The following ANKRD42 variants were observed in gnomAD, a reference collection of about 807,000 sequenced individuals.
ANKRD42 encodes ankyrin repeat domain 42.
Under a neutral mutation model 51.5 loss-of-function variants are expected in ANKRD42, and 43 were observed. The observed-to-expected ratio is 0.83, with a 90% CI of 0.65 to 1.08. The LOEUF (loss-of-function observed/expected upper bound fraction) is 1.08, where lower values mean the gene tolerates loss of function less well. ANKRD42 is among the 50% of genes least tolerant of loss of function. The pLI is 0.00. For missense variants in ANKRD42, 608 were observed against 629.3 expected (o/e 0.97, Z 0.36); for synonymous variants, 203 against 213.0 (o/e 0.95, Z 0.41).
Position 83,248,159 on chromosome 11 carries a change from G to A in ANKRD42, c.1539G>A (p.Leu513=). 1.3e-6 allele frequency: 2 copies of A among 1,534,704 alleles called. No individual in the cohort carries two copies. The highest frequency in any genetic ancestry group is 1.4e-5 in the African/African-American group (1 of 72,686). Residue 513 remains leucine (L), a synonymous_variant, in exon 11 of 11, where the codon TTG becomes TTA. Transcript: ENST00000533342. ...AAGAGTGGCCAAGAGTACAAGCTTT[G>A]GGCTGGGGCTCTTTGGACTTGAATC... ...YIQEWPRVQA[L]GWGSLDLNPG... is the part of the protein sequence containing the mutation.
At position 83,240,994 on chromosome 11, in the gene ANKRD42, C is replaced by T. The variant is rs182194088; in HGVS notation, c.1195+60C>T. The T allele has an allele frequency of 2.4e-5, 37 of 1,534,850 alleles. No homozygotes were observed. In the African/African-American group the frequency reaches 4.6e-4, roughly 19 times the overall value. On this transcript the variant is annotated intron_variant, in intron 9 of 10. Transcript: ENST00000533342. ...CAGAAATACCACAGCCACTTTTTAC[C>T]ACAAATTTGGAAACTATTCTAAAGA... is the stretch of plus-strand genomic sequence containing the variant.
chr11:83,220,390 G>T (rs772896137), intron 5 of ANKRD42, among the ~76,000 whole-genome samples: 1 of 152,116 alleles, frequency 6.6e-6, no homozygotes, highest in Non-Finnish European at 1.5e-5. Context: ...AAGTGAAAGA[G>T]GTCCGATTGT....
downstream of ANKRD42, among the ~76,000 whole-genome samples, chr11:83,258,547 TA>T (rs755040660): frequency 6.6e-6 from 1 of 152,146 alleles, no homozygotes; most frequent in Non-Finnish European, 1.5e-5. Flanking sequence ...TTCACTTGGC[TA>T]AACTTGTTTC....
downstream of ANKRD42, among the ~76,000 whole-genome samples, chr11:83,262,311 A>G (rs1863974995): frequency 6.6e-6 from 1 of 152,188 alleles, no homozygotes; most frequent in Non-Finnish European, 1.5e-5. Flanking sequence ...CTTATATTAA[A>G]AAATTACGTA....
At chr11:83,210,911 G>A (rs1409682257) in intron 4 of ANKRD42, among the ~76,000 whole-genome samples, 1 of 152,204 alleles carries the variant, frequency 6.6e-6, no homozygotes, top group African/African-American at 2.4e-5. Flanking sequence ...ATTGTGGTAA[G>A]AGTTGGTGTT....
At chr11:83,223,808 T>A (rs1432533423) in intron 5 of ANKRD42, among the ~76,000 whole-genome samples, 1 of 152,192 alleles carries the variant, frequency 6.6e-6, no homozygotes. Flanking sequence ...TACTGGCCAC[T>A]TGGACATTAC....
At chr11:83,223,059 T>C (rs1489023196) in intron 5 of ANKRD42, among the ~76,000 whole-genome samples, 1 of 152,136 alleles carries the variant, frequency 6.6e-6, no homozygotes, top group Non-Finnish European at 1.5e-5. Context: ...GAGACCAGCC[T>C]GGCCAACATG....
At chr11:83,241,549 C>T (rs569166910) in intron 9 of ANKRD42, among the ~76,000 whole-genome samples, 19 of 151,888 alleles carry the variant, frequency 1.3e-4, no homozygotes, top group South Asian at 1.0e-3. Context: ...GAGCAGTGCA[C>T]GTAAAGGCCA....
intron 8 of ANKRD42, among the ~76,000 whole-genome samples, chr11:83,239,266 T>C (rs1462084235): frequency 6.6e-6 from 1 of 152,182 alleles, no homozygotes; most frequent in East Asian, 1.9e-4. Context: ...AAAAATTGAA[T>C]TGTTTTCTTG....
intron 7 of ANKRD42, among the ~76,000 whole-genome samples, chr11:83,229,985 TGTTATAAACAATCCA>T (rs956153632): frequency 2.6e-5 from 4 of 152,226 alleles, no homozygotes; most frequent in African/African-American, 9.7e-5. Flanking sequence ...TTATCCTTTG[TGTTATAAACAATCCA>T]GTTACCTTCT....
chr11:83,252,650 T>G (rs893049142), downstream of ANKRD42, among the ~76,000 whole-genome samples: 2 of 152,066 alleles, frequency 1.3e-5, no homozygotes, highest in Admixed American at 6.6e-5. Flanking sequence ...ATAAATCAAG[T>G]CAGTAGTGCC....
rs1278396471 is a variant in ANKRD42 at position 83,225,019 on chromosome 11, G to C, written c.751G>C (p.Ala251Pro). 6.2e-7 allele frequency: 1 copy of C among 1,612,776 alleles called. No individual in the cohort carries two copies. Among genetic ancestry groups the C allele is most frequent in the Non-Finnish European group, 8.5e-7 (1 of 1,179,172 alleles). Residue 251 changes from alanine to proline, a missense_variant, in exon 6 of 11, where the codon GCT becomes CCT. Ala to Pro is a conservative substitution (Grantham distance 27). Transcript: ENST00000533342. ...GAACATTTTACAGTTTATCCAGGGG[G>C]CTGAGTATGAAGGAAAAGACCTAGA... is the stretch of plus-strand genomic sequence containing the variant. ...KQNILQFIQG[A>P]EYEGKDLEDQ...
chr11:83,246,870 A>G (rs1019278055), intron 10 of ANKRD42, among the ~76,000 whole-genome samples: 1 of 152,264 alleles, frequency 6.6e-6, no homozygotes, highest in African/African-American at 2.4e-5. Context: ...TCATTCTTCC[A>G]TGGATGGATA....
chr11:83,261,561 A>G (rs987343826), downstream of ANKRD42: 1 of 168,320 alleles, frequency 5.9e-6, no homozygotes, highest in Non-Finnish European at 1.3e-5. Context: ...GTTTACAAAT[A>G]TTCAACCAAT....
At chr11:83,236,095 T>G (rs571756859) in intron 7 of ANKRD42, among the ~76,000 whole-genome samples, 205 of 152,354 alleles carry the variant, frequency 1.3e-3, no homozygotes, top group Non-Finnish European at 1.1e-3. Flanking sequence ...GATTCTAGTT[T>G]CAAACTACTT....
intron 5 of ANKRD42, chr11:83,212,882 T>A: frequency 6.9e-7 from 1 of 1,440,476 alleles, no homozygotes; most frequent in Non-Finnish European, 9.1e-7. Flanking sequence ...GTTCTCATTC[T>A]TTTTACTTTG....
chr11:83,204,799 T>C (rs1177856210), intron 2 of ANKRD42, among the ~76,000 whole-genome samples: 1 of 152,076 alleles, frequency 6.6e-6, no homozygotes, highest in Non-Finnish European at 1.5e-5. Flanking sequence ...CCAGATTATA[T>C]AAGGAACTCT....
At chr11:83,194,787 G>T (rs1307752565) in intron 1 of ANKRD42, 59 bp downstream of exon 1, 3 of 1,488,524 alleles carry the variant, frequency 2.0e-6, no homozygotes, top group Non-Finnish European at 2.7e-6. Flanking sequence ...ACTTAAGCCC[G>T]CAACAGCCTT....
At chr11:83,258,395 TTAG>T (rs1863809098), downstream of ANKRD42, among the ~76,000 whole-genome samples, 6 of 152,338 alleles carry the variant, frequency 3.9e-5, no homozygotes, top group Admixed American at 3.3e-4. Flanking sequence ...TTCCTATGAC[TTAG>T]TAGATTGTCC....
Sources: gnomAD v4.1 joint callset for allele counts (sites outside exome capture counted in the v4.1 genomes callset) on GRCh38, gnomAD v4.1.1 for gene constraint, MANE v1.5 for transcripts, NCBI Gene and HGNC (gene_info 2026-07-23, HGNC 2026-07-21) for gene names.